The following COL24A1 variants were observed in gnomAD, a reference collection of about 807,000 sequenced individuals.
The protein encoded by COL24A1 is collagen alpha-1(XXIV) chain.
In COL24A1, 224 loss-of-function variants were observed where a neutral mutation model predicts 253.9. The ratio of observed to expected loss-of-function variants is 0.88; its 90% CI spans 0.79 to 0.99. The LOEUF is 0.99. Ranked by LOEUF, COL24A1 falls within the 50% of genes least tolerant of loss-of-function variation. COL24A1 has a pLI of 0.00. For missense variants in COL24A1, 2,131 were observed against 2,068.5 expected (o/e 1.03, Z -0.59); for synonymous variants, 685 against 673.7 (o/e 1.02, Z -0.26).
intron 8 of COL24A1, among the ~76,000 whole-genome samples, chr1:86,062,497 T>A (rs992269906): frequency 6.6e-6 from 1 of 152,104 alleles, no homozygotes. Context: ...CTAAAAAGTA[T>A]ATTACCCTCA....
At chr1:85,996,526 C>T (rs1413753131) in intron 19 of COL24A1, among the ~76,000 whole-genome samples, 2 of 93,756 alleles carry the variant, frequency 2.1e-5, no homozygotes, top group Non-Finnish European at 4.7e-5. Flanking sequence ...ATCCCAGCTA[C>T]TAGGGAGGCT....
chr1:86,110,213 A>C (rs1705404766), intron 5 of COL24A1, among the ~76,000 whole-genome samples: 1 of 151,672 alleles, frequency 6.6e-6, no homozygotes, highest in Non-Finnish European at 1.5e-5. Flanking sequence ...TACACAATGG[A>C]AATGGGAATA....
chr1:85,840,817 T>A (rs1394874714), intron 42 of COL24A1, among the ~76,000 whole-genome samples: 1 of 152,130 alleles, frequency 6.6e-6, no homozygotes. Context: ...ACTTGGCAAC[T>A]GTGTGTAAAC....
intron 47 of COL24A1, among the ~76,000 whole-genome samples, chr1:85,807,799 C>A (rs527460535): frequency 6.6e-6 from 1 of 152,110 alleles, no homozygotes; most frequent in African/African-American, 2.4e-5. Context: ...TGAGAGAGAC[C>A]TATGGTCATT....
rs138122213 is a variant in COL24A1 at position 85,891,217 on chromosome 1, A to ATT, written c.2923-1606_2923-1605dup. 2.4e-3 allele frequency among the ~76,000 whole-genome samples: 303 copies of ATT among 127,074 alleles called. 5 individuals carry two copies. Among genetic ancestry groups the ATT allele is most frequent in the African/African-American group, 6.5e-3 (223 of 34,342 alleles). 83.4% of individuals were successfully genotyped at this position (127,074 alleles called of 152,430 possible). A position where few individuals can be genotyped will look rare whatever the true frequency, so the allele number is the denominator to read the frequency against. ...AGGCGCCCGCCACCACGCCCGGCTA[A>ATT]TTTTTTTTTTTTTTTTTTTTGTATT... is the stretch of plus-strand genomic sequence containing the variant. On this transcript the variant is annotated intron_variant, in intron 31 of 59. Coordinates refer to ENST00000370571, the MANE Select transcript of COL24A1 (RefSeq NM_152890.7).
intron 2 of COL24A1, among the ~76,000 whole-genome samples, chr1:86,135,696 G>A (rs1267136535): frequency 6.6e-6 from 1 of 151,644 alleles, no homozygotes; most frequent in African/African-American, 2.4e-5. Flanking sequence ...TTAATATATT[G>A]CCTTCTTTTA....
intron 37 of COL24A1, among the ~76,000 whole-genome samples, chr1:85,862,095 T>C (rs565217600): frequency 1.7e-4 from 26 of 152,356 alleles, no homozygotes; most frequent in African/African-American, 5.8e-4. Flanking sequence ...TAGTTGGCTT[T>C]TCTACCCATA....
At chr1:85,856,185 C>T (rs981831384) in intron 37 of COL24A1, among the ~76,000 whole-genome samples, 5 of 152,022 alleles carry the variant, frequency 3.3e-5, no homozygotes, top group Non-Finnish European at 5.9e-5. Context: ...GTTTTATTCT[C>T]ATCTCCATTT....
At chr1:85,776,958 T>TA (rs200284570) in intron 52 of COL24A1, among the ~76,000 whole-genome samples, 10 of 151,686 alleles carry the variant, frequency 6.6e-5, no homozygotes, top group East Asian at 1.9e-4. Context: ...TTTACTTATT[T>TA]TTTTTTTTTT....
intron 24 of COL24A1, among the ~76,000 whole-genome samples, chr1:85,933,381 A>G (rs1687977595): frequency 6.6e-6 from 1 of 152,072 alleles, no homozygotes; most frequent in African/African-American, 2.4e-5. Context: ...TTAACACACT[A>G]TTATTATGGC....
At chr1:85,883,419 CCAT>C (rs1442697464) in intron 32 of COL24A1, among the ~76,000 whole-genome samples, 1 of 151,784 alleles carries the variant, frequency 6.6e-6, no homozygotes, top group East Asian at 1.9e-4. Flanking sequence ...TGGGGTTTTA[CCAT>C]GTTGTCCAGG....
intron 47 of COL24A1, among the ~76,000 whole-genome samples, chr1:85,803,587 C>CT (rs35131423): frequency 4.7e-4 from 70 of 148,592 alleles, no homozygotes; most frequent in Admixed American, 1.7e-3. Context: ...TAGGTTTGCA[C>CT]TTTTTTTTTT....
chr1:86,035,663 C>T (rs922946967), intron 12 of COL24A1, among the ~76,000 whole-genome samples: 1 of 152,062 alleles, frequency 6.6e-6, no homozygotes, highest in Non-Finnish European at 1.5e-5. Context: ...GATGGCTGCA[C>T]AATTCTGAAT....
At chr1:85,924,621 C>A (rs1163543985) in intron 24 of COL24A1, among the ~76,000 whole-genome samples, 3 of 152,120 alleles carry the variant, frequency 2.0e-5, no homozygotes, top group Non-Finnish European at 2.9e-5. Context: ...AACTCAACAG[C>A]CCTTCATGCT....
intron 12 of COL24A1, among the ~76,000 whole-genome samples, chr1:86,044,172 C>G (rs1043856424): frequency 2.6e-5 from 4 of 152,138 alleles, no homozygotes; most frequent in Non-Finnish European, 5.9e-5. Context: ...GACCATGATT[C>G]TCATGGAATT....
chr1:85,900,593 C>T (rs191254363), intron 28 of COL24A1, among the ~76,000 whole-genome samples: 4 of 151,960 alleles, frequency 2.6e-5, no homozygotes, highest in Non-Finnish European at 4.4e-5. Context: ...GTGATATGAT[C>T]GCGTCACTGC....
At chr1:85,911,862 T>A (rs1227334936) in intron 24 of COL24A1, among the ~76,000 whole-genome samples, 1 of 152,082 alleles carries the variant, frequency 6.6e-6, no homozygotes, top group East Asian at 1.9e-4. Flanking sequence ...ATTCATCCAC[T>A]CAAGAAATAT....
Position 85,876,512 on chromosome 1 carries a change from G to A in COL24A1, c.3030+610C>T, listed in dbSNP as rs193003474. ...TCAATAATTGGATCTGAGGAGAGAG[G>A]TATAAAATACAGCTACCAAGTTGAG... is the stretch of plus-strand genomic sequence containing the variant. On this transcript the variant is annotated intron_variant, in intron 33 of 59. Coordinates refer to ENST00000370571, the MANE Select transcript of COL24A1 (RefSeq NM_152890.7). Among the ~76,000 whole-genome samples the A allele has an allele frequency of 1.5e-3, 234 of 152,130 alleles. 1 individual carries two copies. Among genetic ancestry groups the A allele is most frequent in the African/African-American group, 5.5e-3 (228 of 41,524 alleles).
At chr1:85,910,494 A>C (rs1324148198) in intron 25 of COL24A1, among the ~76,000 whole-genome samples, 1 of 151,980 alleles carries the variant, frequency 6.6e-6, no homozygotes, top group African/African-American at 2.4e-5. Flanking sequence ...CTGTCATAGC[A>C]GCTTAAAAAG....
Sources: gnomAD v4.1 joint callset for allele counts (sites outside exome capture counted in the v4.1 genomes callset) on GRCh38, gnomAD v4.1.1 for gene constraint, MANE v1.5 for transcripts, NCBI Gene and HGNC (gene_info 2026-07-23, HGNC 2026-07-21) for gene names.